Variants in NR1H4 observed in about 807,000 individuals in gnomAD.
The protein encoded by NR1H4 is nuclear receptor subfamily 1 group H member 4, also known as bile acid receptor.
In NR1H4, 23 loss-of-function variants were observed where a neutral mutation model predicts 58.5. The observed-to-expected ratio is 0.39, with a 90% CI of 0.28 to 0.56. NR1H4 has a LOEUF of 0.56. Ranked by LOEUF, NR1H4 falls within the 20% of genes least tolerant of loss-of-function variation. The pLI, the probability that NR1H4 is intolerant of heterozygous loss-of-function variation, is 0.58. For synonymous variants in NR1H4, 214 were observed against 198.0 expected, an observed-to-expected ratio of 1.08 and a Z score of -0.68; for missense variants, 487 against 576.9, an observed-to-expected ratio of 0.84 and a Z score of 1.60.
intron 8 of NR1H4, among the ~76,000 whole-genome samples, chr12:100,537,961 G>T (rs528305297): frequency 6.6e-6 from 1 of 152,278 alleles, no homozygotes; most frequent in South Asian, 2.1e-4. Context: ...TGAGCTGCCC[G>T]ACTTGGCCAA....
chr12:100,526,305 A>G (rs574456069), intron 4 of NR1H4, among the ~76,000 whole-genome samples: 1 of 151,994 alleles, frequency 6.6e-6, no homozygotes, highest in East Asian at 1.9e-4. Flanking sequence ...TAATGCTATA[A>G]ATTTCTCTGT....
chr12:100,545,631 G>GT (rs1305314168), intron 9 of NR1H4, among the ~76,000 whole-genome samples: 1 of 99,304 alleles, frequency 1.0e-5, no homozygotes, highest in East Asian at 3.4e-4. Flanking sequence ...GACAGAGTGA[G>GT]ACCTTGTCTC....
At chr12:100,491,280 G>C (rs1348697430) in intron 1 of NR1H4, among the ~76,000 whole-genome samples, 1 of 151,982 alleles carries the variant, frequency 6.6e-6, no homozygotes, top group African/African-American at 2.4e-5. Context: ...CCAACCAGTA[G>C]TCATGATTCC....
intron 1 of NR1H4, among the ~76,000 whole-genome samples, chr12:100,478,097 A>C (rs547955090): frequency 1.3e-5 from 2 of 152,198 alleles, no homozygotes; most frequent in African/African-American, 4.8e-5. Flanking sequence ...TTCGCTGATA[A>C]AGATGTGTCA....
At chr12:100,507,465 T>C (rs954884984) in intron 3 of NR1H4, among the ~76,000 whole-genome samples, 3 of 152,042 alleles carry the variant, frequency 2.0e-5, no homozygotes, top group Admixed American at 6.6e-5. Context: ...TGTTTTGTTT[T>C]TGTTTTTGTT....
At chr12:100,521,874 C>A (rs1954428423) in intron 4 of NR1H4, among the ~76,000 whole-genome samples, 1 of 152,074 alleles carries the variant, frequency 6.6e-6, no homozygotes, top group African/African-American at 2.4e-5. Context: ...TTCTAGAGGT[C>A]AAATTATCTT....
Position 100,549,194 on chromosome 12 carries a change from CG to C in NR1H4, c.1078+8379del, listed in dbSNP as rs200474972. Among the ~76,000 whole-genome samples the C allele has an allele frequency of 1.7e-3, 261 of 152,192 alleles. 5 individuals are homozygous for C. Among genetic ancestry groups the C allele is most frequent in the East Asian group, 0.014 (74 of 5,164 alleles). On this transcript the variant is annotated intron_variant, in intron 9 of 10. Transcript: ENST00000392986. ...CCTACTAAAAATACAAAAAATTAGC[CG>C]GGCATGGTGGCATGTGCCGGTAGTC...
intron 9 of NR1H4, among the ~76,000 whole-genome samples, chr12:100,544,387 G>T (rs1432791300): frequency 6.6e-6 from 1 of 152,016 alleles, no homozygotes; most frequent in African/African-American, 2.4e-5. Flanking sequence ...ATGTGTGTTT[G>T]GTTTATTCAT....
At chr12:100,487,006 C>T (rs555602759) in intron 1 of NR1H4, among the ~76,000 whole-genome samples, 2 of 152,108 alleles carry the variant, frequency 1.3e-5, no homozygotes, top group Non-Finnish European at 2.9e-5. Flanking sequence ...AAAAAAGGAA[C>T]ACTTCAGTAG....
chr12:100,513,798 CAGAAAGGAAGGAAGGAAGGAAGGAAGGA>C, intron 4 of NR1H4, among the ~76,000 whole-genome samples: 1 of 87,384 alleles, frequency 1.1e-5, no homozygotes, highest in South Asian at 3.2e-4. Flanking sequence ...CCGTCAAAGA[CAGAAAGGAAGGAAGGAAGGAAGGAAGGA>C]AGGAAGGAAG....
intron 4 of NR1H4, among the ~76,000 whole-genome samples, chr12:100,526,465 A>G (rs867268459): frequency 2.0e-5 from 3 of 152,276 alleles, no homozygotes; most frequent in Non-Finnish European, 4.4e-5. Context: ...GATGTAAGAT[A>G]TGTTATATTC....
chr12:100,515,165 CT>C (rs59404984), intron 4 of NR1H4, among the ~76,000 whole-genome samples: 5,051 of 94,890 alleles, frequency 0.053, 63 homozygotes, highest in African/African-American at 0.16. Flanking sequence ...TTTGTCAAAG[CT>C]TTTTTTTTTT....
chr12:100,521,571 G>A (rs1954419162), intron 4 of NR1H4, among the ~76,000 whole-genome samples: 1 of 152,138 alleles, frequency 6.6e-6, no homozygotes, highest in Non-Finnish European at 1.5e-5. Flanking sequence ...TCCGAGAATG[G>A]TAGAATTCCT....
At chr12:100,478,396 C>A (rs1453796740) in intron 1 of NR1H4, among the ~76,000 whole-genome samples, 1 of 152,136 alleles carries the variant, frequency 6.6e-6, no homozygotes, top group Non-Finnish European at 1.5e-5. Context: ...GCAAACCCTT[C>A]TTTTCTGGAG....
intron 9 of NR1H4, among the ~76,000 whole-genome samples, chr12:100,548,685 C>G (rs1955137076): frequency 1.3e-5 from 2 of 152,000 alleles, no homozygotes; most frequent in African/African-American, 4.8e-5. Context: ...TTGAGTACTT[C>G]TATGGGATAG....
chr12:100,510,728 A>G, intron 3 of NR1H4, 50 bp from the exon 4 acceptor site: 1 of 1,611,240 alleles, frequency 6.2e-7, no homozygotes, highest in Non-Finnish European at 8.5e-7. Flanking sequence ...TGCCTCTCTA[A>G]TTTCCAGAAT....
intron 1 of NR1H4, among the ~76,000 whole-genome samples, chr12:100,481,659 A>C (rs1953383634): frequency 1.3e-5 from 2 of 152,012 alleles, no homozygotes; most frequent in South Asian, 4.1e-4. Context: ...CTCATGCCTG[A>C]ATCCCAGCAC....
intron 3 of NR1H4, among the ~76,000 whole-genome samples, chr12:100,497,685 T>G (rs545777392): frequency 6.6e-6 from 1 of 152,216 alleles, no homozygotes; most frequent in South Asian, 2.1e-4. Flanking sequence ...TGGTCAAAGA[T>G]TAATTTAGTG....
intron 3 of NR1H4, among the ~76,000 whole-genome samples, chr12:100,508,278 G>A (rs867459434): frequency 6.6e-6 from 1 of 152,034 alleles, no homozygotes; most frequent in African/African-American, 2.4e-5. Context: ...GTCTGGAAGC[G>A]GCAAGGCACA....
Sources: allele counts gnomAD v4.1 joint callset (sites outside exome capture counted in the v4.1 genomes callset), GRCh38; gene constraint gnomAD v4.1.1; transcripts MANE v1.5; gene names NCBI Gene and HGNC (gene_info 2026-07-23, HGNC 2026-07-21).